Variants in SPARCL1 observed in about 807,000 individuals in gnomAD.
SPARCL1 encodes the protein SPARC like 1.
In SPARCL1, 52 loss-of-function variants were observed where a neutral mutation model predicts 67.1. The ratio of observed to expected loss-of-function variants is 0.78; its 90% CI spans 0.62 to 0.98. The LOEUF (loss-of-function observed/expected upper bound fraction) is 0.98. SPARCL1 is among the 50% of genes least tolerant of loss of function. The pLI is 0.00. For synonymous variants in SPARCL1, 226 were observed against 267.8 expected (o/e 0.84, Z 1.52); for missense variants, 717 against 782.4 (o/e 0.92, Z 1.00).
At chr4:87,506,729 T>G (rs1725088772) in intron 1 of SPARCL1, among the ~76,000 whole-genome samples, 1 of 152,166 alleles carries the variant, frequency 6.6e-6, no homozygotes. Context: ...ATCTTGGGAC[T>G]GGCTCCATTA....
At chr4:87,489,625 T>C (rs1724227401) in intron 7 of SPARCL1, among the ~76,000 whole-genome samples, 1 of 152,186 alleles carries the variant, frequency 6.6e-6, no homozygotes, top group African/African-American at 2.4e-5. Flanking sequence ...TGGAGAACCA[T>C]ACCCCAGCTC....
At chr4:87,478,456 G>C (rs988778164) in intron 10 of SPARCL1, among the ~76,000 whole-genome samples, 2 of 99,930 alleles carry the variant, frequency 2.0e-5, no homozygotes, top group Non-Finnish European at 2.1e-5. Flanking sequence ...TTTTTTTTTT[G>C]AGACCGAGTC....
rs113157075 is a variant in SPARCL1, at chr4:87,497,025, C to T, written c.55-1898G>A. On this transcript the variant is annotated intron_variant, in intron 2 of 10. Coordinates refer to ENST00000282470, the MANE Select transcript of SPARCL1 (RefSeq NM_004684.6). Reference sequence around the variant, plus strand: ...TAGCTGGGATTGCAGGTGCCTGCCACCATGCCCTGCTAATTTTTGTATTTA... The same window carrying T: ...TAGCTGGGATTGCAGGTGCCTGCCATCATGCCCTGCTAATTTTTGTATTTA... 7.4e-3 allele frequency: 1,184 copies of T among 160,592 alleles called. 9 individuals carry two copies. Among genetic ancestry groups the T allele is most frequent in the Non-Finnish European group, 0.011 (839 of 75,664 alleles). 9.9% of individuals were successfully genotyped at this position (160,592 alleles called of 1,614,324 possible).
At chr4:87,508,782 ATGTGTGTG>A (rs71667857) in intron 1 of SPARCL1, among the ~76,000 whole-genome samples, 9 of 140,112 alleles carry the variant, frequency 6.4e-5, no homozygotes, top group South Asian at 2.3e-4. Context: ...GATGAAACAT[ATGTGTGTG>A]TGTGTGTGTG....
intron 4 of SPARCL1, among the ~76,000 whole-genome samples, chr4:87,492,419 A>C (rs1157263038): frequency 8.2e-6 from 1 of 122,148 alleles, no homozygotes; most frequent in African/African-American, 6.0e-5. Flanking sequence ...CTCCGTCTCA[A>C]AAAAAAAAAA....
intron 1 of SPARCL1, among the ~76,000 whole-genome samples, chr4:87,512,649 T>G (rs1725416316): frequency 6.6e-6 from 1 of 152,132 alleles, no homozygotes; most frequent in Non-Finnish European, 1.5e-5. Flanking sequence ...TGAAGCCAGA[T>G]GAATTAACTC....
intron 1 of SPARCL1, chr4:87,528,017 T>C (rs1214842088): frequency 6.6e-6 from 1 of 151,962 alleles, no homozygotes; most frequent in African/African-American, 2.4e-5. Flanking sequence ...TTCTATTCAA[T>C]GTGCTTAGGC....
chr4:87,515,099 T>C lies in SPARCL1; in HGVS notation c.-12+13946A>G, dbSNP rs1578114802. ...CACAGAATTATTATTCTCAAAGACT[T>C]AAATATGCAGTATTGATGTGAAACT... On this transcript the variant is annotated intron_variant, in intron 1 of 10. Coordinates refer to ENST00000282470, the MANE Select transcript of SPARCL1 (RefSeq NM_004684.6). 2.0e-5 allele frequency among the ~76,000 whole-genome samples: 3 copies of C among 152,356 alleles called. No individual in the cohort carries two copies. In the South Asian group the frequency reaches 6.2e-4, roughly 32 times the overall value.
chr4:87,492,788 A>T (rs756409351), intron 4 of SPARCL1, among the ~76,000 whole-genome samples: 45,358 of 117,954 alleles, frequency 0.38, 7,192 homozygotes, highest in African/African-American at 0.57. Flanking sequence ...CTGCTGGCAC[A>T]GGACTTTGTG....
intron 6 of SPARCL1, 38 bp downstream of exon 6, chr4:87,490,722 T>C: frequency 3.0e-6 from 4 of 1,332,436 alleles, no homozygotes; most frequent in Non-Finnish European, 4.2e-6. Context: ...TCACTAACCT[T>C]TTGGAGCCAC....
chr4:87,488,480 G>A (rs1724167720), intron 7 of SPARCL1, among the ~76,000 whole-genome samples: 1 of 152,152 alleles, frequency 6.6e-6, no homozygotes, highest in Non-Finnish European at 1.5e-5. Context: ...CGTCCCAGAG[G>A]GGTACCTGCT....
chr4:87,527,775 A>T (rs563895806), intron 1 of SPARCL1, among the ~76,000 whole-genome samples: 2 of 152,292 alleles, frequency 1.3e-5, no homozygotes, highest in East Asian at 3.9e-4. Context: ...TGATTGGACG[A>T]TAAGTAGATG....
chr4:87,509,076 G>A (rs1018845535), intron 1 of SPARCL1, among the ~76,000 whole-genome samples: 79 of 147,946 alleles, frequency 5.3e-4, no homozygotes, highest in African/African-American at 1.8e-3. Context: ...TACTAATAAT[G>A]TATCTATAAA....
intron 2 of SPARCL1, among the ~76,000 whole-genome samples, chr4:87,498,013 C>A (rs901081217): frequency 3.3e-5 from 5 of 152,190 alleles, no homozygotes; most frequent in Admixed American, 3.3e-4. Flanking sequence ...CTGGCCTTGA[C>A]CTCCCAAAGT....
chr4:87,526,081 C>T (rs1248812242), intron 1 of SPARCL1, among the ~76,000 whole-genome samples: 1 of 152,162 alleles, frequency 6.6e-6, no homozygotes, highest in Non-Finnish European at 1.5e-5. Flanking sequence ...TCCCTCTTGT[C>T]CAAGTGGGCC....
intron 1 of SPARCL1, among the ~76,000 whole-genome samples, chr4:87,525,175 A>T (rs1209336204): frequency 6.6e-6 from 1 of 151,922 alleles, no homozygotes; most frequent in Non-Finnish European, 1.5e-5. Context: ...AAAAAAAAAA[A>T]ATACAATGAT....
At chr4:87,519,095 G>A (rs1725699222) in intron 1 of SPARCL1, among the ~76,000 whole-genome samples, 1 of 149,110 alleles carries the variant, frequency 6.7e-6, no homozygotes, top group Non-Finnish European at 1.5e-5. Flanking sequence ...TTTCTGAGAT[G>A]GAGTCTTGCT....
At chr4:87,505,375 A>T (rs1426492894) in intron 1 of SPARCL1, among the ~76,000 whole-genome samples, 1 of 152,028 alleles carries the variant, frequency 6.6e-6, no homozygotes, top group Non-Finnish European at 1.5e-5. Flanking sequence ...AAATATGTGG[A>T]CTCTATTAGC....
intron 10 of SPARCL1, among the ~76,000 whole-genome samples, chr4:87,476,814 C>T (rs1234691386): frequency 6.6e-6 from 1 of 152,116 alleles, no homozygotes; most frequent in Admixed American, 6.5e-5. Context: ...TATATGAGCA[C>T]GTCTATCACA....
Sources: allele counts gnomAD v4.1 joint callset (sites outside exome capture counted in the v4.1 genomes callset), GRCh38; gene constraint gnomAD v4.1.1; transcripts MANE v1.5; gene names NCBI Gene and HGNC (gene_info 2026-07-23, HGNC 2026-07-21).